The following CDH13 variants were observed in gnomAD, a reference collection of about 807,000 sequenced individuals.
CDH13 encodes the protein cadherin-13.
CDH13 carries 24 observed loss-of-function variants against 63.8 expected under a neutral mutation model. The ratio of observed to expected loss-of-function variants is 0.38; its 90% CI spans 0.27 to 0.53. The LOEUF is 0.53. CDH13 is among the 20% of genes least tolerant of loss of function. The pLI, the probability that CDH13 is intolerant of heterozygous loss-of-function variation, is 0.85. For synonymous variants in CDH13, 503 were observed against 355.3 expected (o/e 1.42, Z -4.67); for missense variants, 1,049 against 903.1 (o/e 1.16, Z -2.07).
At chr16:83,413,295 A>C (rs1168079896) in intron 6 of CDH13, among the ~76,000 whole-genome samples, 1 of 152,212 alleles carries the variant, frequency 6.6e-6, no homozygotes. Context: ...TCTCACAATC[A>C]ATGATATTTT....
intron 6 of CDH13, among the ~76,000 whole-genome samples, chr16:83,373,928 T>C (rs930311472): frequency 2.6e-5 from 4 of 152,024 alleles, no homozygotes; most frequent in Non-Finnish European, 4.4e-5. Flanking sequence ...AAGGGAAGGA[T>C]CCAGGGGAAT....
At chr16:82,778,892 G>C (rs12918559) in intron 1 of CDH13, among the ~76,000 whole-genome samples, 112,742 of 152,062 alleles carry the variant, frequency 0.74, 43,296 homozygotes, top group East Asian at 1. Flanking sequence ...TATCCTTGGT[G>C]TTTCATTTGT....
intron 5 of CDH13, among the ~76,000 whole-genome samples, chr16:83,286,446 T>G (rs185601700): frequency 2.8e-4 from 43 of 152,216 alleles, no homozygotes; most frequent in African/African-American, 1.0e-3. Context: ...CAAATTTGGG[T>G]GATAGAAGTT....
chr16:83,134,402 C>G (rs1220250561), intron 4 of CDH13, among the ~76,000 whole-genome samples: 1 of 152,074 alleles, frequency 6.6e-6, no homozygotes, highest in Non-Finnish European at 1.5e-5. Context: ...GTTAGCCAGG[C>G]TGCTCTGGAA....
chr16:83,369,396 G>C (rs1162148396), intron 6 of CDH13, among the ~76,000 whole-genome samples: 1 of 151,820 alleles, frequency 6.6e-6, no homozygotes, highest in Admixed American at 6.6e-5. Flanking sequence ...CCTCCTTTCA[G>C]AGTGACCAGA....
At chr16:83,777,046 G>A (rs567653113) in intron 11 of CDH13, among the ~76,000 whole-genome samples, 6 of 152,096 alleles carry the variant, frequency 3.9e-5, no homozygotes, top group African/African-American at 1.2e-4. Flanking sequence ...TCTGCTCTTC[G>A]GGCAGCCTCA....
chr16:83,389,761 G>C (rs1260465527), intron 6 of CDH13, among the ~76,000 whole-genome samples: 1 of 152,218 alleles, frequency 6.6e-6, no homozygotes, highest in East Asian at 1.9e-4. Flanking sequence ...TGGGGCCTGG[G>C]AATCTGAAGT....
chr16:83,059,291 T>C (rs144586959), intron 3 of CDH13, among the ~76,000 whole-genome samples: 111 of 152,248 alleles, frequency 7.3e-4, no homozygotes, highest in African/African-American at 2.5e-3. Context: ...CTACTGTCCA[T>C]GGATTGAGAG....
intron 6 of CDH13, among the ~76,000 whole-genome samples, chr16:83,471,656 TC>T (rs1426642956): frequency 2.6e-5 from 4 of 152,098 alleles, no homozygotes; most frequent in African/African-American, 9.7e-5. Flanking sequence ...GTGTCCAGCC[TC>T]CCCAGTGAGT....
intron 4 of CDH13, among the ~76,000 whole-genome samples, chr16:83,186,889 G>A (rs2038542599): frequency 1.3e-5 from 2 of 152,190 alleles, no homozygotes; most frequent in African/African-American, 4.8e-5. Flanking sequence ...GATCCCCTGT[G>A]AAGGTGGTGA....
chr16:82,760,360 C>G (rs2034786116), intron 1 of CDH13, among the ~76,000 whole-genome samples: 1 of 152,044 alleles, frequency 6.6e-6, no homozygotes, highest in Admixed American at 6.6e-5. Context: ...TAGGAAGTGG[C>G]CACATCATAG....
At position 83,200,610 on chromosome 16, in the gene CDH13, G is replaced by C. The variant is rs537183280; in HGVS notation, c.484-16735G>C. Among the ~76,000 whole-genome samples the C allele has an allele frequency of 4.9e-4, 75 of 152,252 alleles. 1 individual carries two copies. In the South Asian group the frequency reaches 0.016, roughly 32 times the overall value. On this transcript the variant is annotated intron_variant, in intron 4 of 13. Transcript: ENST00000567109. ...AGTCATCACCTACAAAGCAGGTATTGGGCAATTGTGTTTACCCAGGGTCGT... is the reference window on the plus strand; with the variant it reads ...AGTCATCACCTACAAAGCAGGTATTCGGCAATTGTGTTTACCCAGGGTCGT...
intron 1 of CDH13, among the ~76,000 whole-genome samples, chr16:82,763,294 G>A (rs1484224424): frequency 9.2e-5 from 14 of 152,116 alleles, no homozygotes; most frequent in Admixed American, 9.2e-4. Flanking sequence ...ATCCTGCTTT[G>A]CTTTTTCTTC....
At chr16:83,777,981 G>T (rs558835520) in intron 11 of CDH13, among the ~76,000 whole-genome samples, 4 of 152,178 alleles carry the variant, frequency 2.6e-5, no homozygotes, top group Admixed American at 1.3e-4. Flanking sequence ...GCCAAGAAAC[G>T]ATTGTACTAC....
At chr16:82,882,450 C>T (rs572095524) in intron 2 of CDH13, among the ~76,000 whole-genome samples, 6 of 152,278 alleles carry the variant, frequency 3.9e-5, no homozygotes, top group South Asian at 4.1e-4. Context: ...CGTACACATG[C>T]GTATCAGGCA....
chr16:82,902,091 A>G (rs147423549), intron 2 of CDH13, among the ~76,000 whole-genome samples: 7 of 152,322 alleles, frequency 4.6e-5, no homozygotes, highest in Admixed American at 2.0e-4. Context: ...GCCTATATCA[A>G]ACTGCCTTTA....
chr16:83,722,807 T>C (rs254315), intron 10 of CDH13, among the ~76,000 whole-genome samples: 19,091 of 152,278 alleles, frequency 0.13, 1,356 homozygotes, highest in Middle Eastern at 0.21. Flanking sequence ...ACTAAAAAAG[T>C]TCACTAATGA....
intron 1 of CDH13, among the ~76,000 whole-genome samples, chr16:82,675,870 C>A (rs769696004): frequency 1.9e-4 from 29 of 152,174 alleles, no homozygotes; most frequent in Non-Finnish European, 3.5e-4. Context: ...ATTGCTCTTT[C>A]CGCGCTAAGC....
chr16:82,935,144 G>A (rs2042628358), intron 2 of CDH13, among the ~76,000 whole-genome samples: 1 of 152,188 alleles, frequency 6.6e-6, no homozygotes, highest in Admixed American at 6.5e-5. Context: ...GGGTTGGGGA[G>A]GCCTCATGAA....
Sources: allele counts gnomAD v4.1 joint callset (sites outside exome capture counted in the v4.1 genomes callset), GRCh38; gene constraint gnomAD v4.1.1; transcripts MANE v1.5; gene names NCBI Gene and HGNC (gene_info 2026-07-23, HGNC 2026-07-21).